Variants in SOCS7 observed in about 807,000 individuals in gnomAD.
SOCS7 encodes NAP-4.
Under a neutral mutation model 58.9 loss-of-function variants are expected in SOCS7, and 18 were observed. That is an observed-to-expected ratio of 0.31 (90% CI 0.21 to 0.45). The LOEUF is 0.45. Ranked by LOEUF, SOCS7 falls within the 20% of genes least tolerant of loss-of-function variation. The pLI, the probability that SOCS7 is intolerant of heterozygous loss-of-function variation, is 1.00. For missense variants in SOCS7, 667 were observed against 837.3 expected (o/e 0.80, Z 2.51); for synonymous variants, 388 against 364.3 (o/e 1.06, Z -0.74).
At chr17:38,385,311 C>T (rs1162401008) in intron 7 of SOCS7, among the ~76,000 whole-genome samples, 2 of 151,832 alleles carry the variant, frequency 1.3e-5, no homozygotes, top group Non-Finnish European at 2.9e-5. Context: ...TTCTCCATGA[C>T]GTTGTTTAAT....
chr17:38,389,910 G>T (rs867031146), intron 7 of SOCS7, among the ~76,000 whole-genome samples: 380 of 6,030 alleles, frequency 0.063, 13 homozygotes, highest in Middle Eastern at 0.38. Context: ...CACATATAGA[G>T]AGAGAGAGAG....
intron 1 of SOCS7, 55 bp downstream of exon 1, chr17:38,353,087 T>G (rs1191705922): frequency 2.8e-6 from 4 of 1,438,660 alleles, no homozygotes; most frequent in Non-Finnish European, 9.2e-7. Flanking sequence ...TGGTTTCCCT[T>G]TTTATCTATT....
At chr17:38,393,566 G>A (rs2038204830) in intron 7 of SOCS7, among the ~76,000 whole-genome samples, 1 of 152,028 alleles carries the variant, frequency 6.6e-6, no homozygotes, top group African/African-American at 2.4e-5. Flanking sequence ...GAACCTAGGA[G>A]TTGGAGCTTG....
intron 2 of SOCS7, among the ~76,000 whole-genome samples, chr17:38,364,167 C>T (rs2037756411): frequency 6.6e-6 from 1 of 152,138 alleles, no homozygotes; most frequent in South Asian, 2.1e-4. Context: ...TACTTTCAGC[C>T]TTTGTAGCCT....
chr17:38,356,273 T>C (rs1049208716), intron 1 of SOCS7, among the ~76,000 whole-genome samples: 4 of 151,858 alleles, frequency 2.6e-5, no homozygotes, highest in Admixed American at 2.0e-4. Flanking sequence ...TCCCAATACT[T>C]GGAAGGCAGA....
intron 1 of SOCS7, among the ~76,000 whole-genome samples, chr17:38,360,102 A>G (rs1270232325): frequency 2.0e-5 from 3 of 151,620 alleles, no homozygotes; most frequent in African/African-American, 4.9e-5. Flanking sequence ...TATACCGCAA[A>G]ATTTACCCTT....
At chr17:38,386,832 TC>T (rs1378096996) in intron 7 of SOCS7, among the ~76,000 whole-genome samples, 1 of 151,716 alleles carries the variant, frequency 6.6e-6, no homozygotes, top group African/African-American at 2.4e-5. Context: ...ATGCCTGTAA[TC>T]CCAGCACTTT....
Position 38,395,883 on chromosome 17 carries a change from A to G in SOCS7, c.1853A>G (p.Tyr618Cys), listed in dbSNP as rs764093296. 9 of 1,612,120 alleles carry G rather than the reference A, an allele frequency of 5.6e-6. No homozygotes were observed. The highest frequency in any genetic ancestry group is 1.3e-5 in the African/African-American group (1 of 74,786). The change falls in exon 9 of 10, where the codon TAT becomes TGT. Residue 618 changes from tyrosine (Y) to cysteine (C), a missense_variant. This residue lies in a region of SOCS7 where 40 missense variants were observed against 45.6 expected (regional missense o/e 0.88). Coordinates refer to ENST00000612932, the MANE Select transcript of SOCS7 (RefSeq NM_014598.4). ...LISYIRKFYY[Y>C]DPQEEVYLSL... ...TCTTATATCCGAAAGTTCTACTACT[A>G]TGATCCTCAGGAAGAGGTATACCTG...
Position 38,352,817 on chromosome 17 carries a change from C to CCCGCCT in SOCS7, c.768_773dup (p.Pro258_Pro259dup), listed in dbSNP as rs749429158. The CCCGCCT allele has an allele frequency of 4.5e-6, 7 of 1,558,932 alleles. No individual in the cohort carries two copies. The highest frequency in any genetic ancestry group is 4.3e-6 in the Non-Finnish European group (5 of 1,151,988). Reference sequence around the variant, plus strand: ...AGCAGCAGCAGCAACCTCCCCCGCCCCCGCCTCCTCCCGGGCCCCTCCGGC... The same window carrying CCCGCCT: ...AGCAGCAGCAGCAACCTCCCCCGCCCCCGCCTCCGCCTCCTCCCGGGCCCCTCCGGC... On this transcript the variant is annotated inframe_insertion, in exon 1 of 10. Transcript: ENST00000612932. This position sits in a 1 kb window ranked among gnomAD's most constrained non-coding sequence, Gnocchi z 5.5.
intron 4 of SOCS7, chr17:38,365,902 A>G: frequency 1.2e-6 from 1 of 828,534 alleles, no homozygotes; most frequent in South Asian, 5.4e-5. Context: ...TGCCTGGCAA[A>G]ATCATTACTC....
intron 7 of SOCS7, among the ~76,000 whole-genome samples, chr17:38,388,660 C>T (rs1370615097): frequency 6.6e-6 from 1 of 152,206 alleles, no homozygotes; most frequent in African/African-American, 2.4e-5. Context: ...TCCGTATTCC[C>T]TCTACTTCCT....
At chr17:38,378,645 A>C (rs1409277498) in intron 7 of SOCS7, among the ~76,000 whole-genome samples, 1 of 152,216 alleles carries the variant, frequency 6.6e-6, no homozygotes, top group Non-Finnish European at 1.5e-5. Flanking sequence ...GTATCTTGCC[A>C]TCCCTACCAT....
At chr17:38,366,021 T>G in intron 4 of SOCS7, 1 of 1,222,126 alleles carries the variant, frequency 8.2e-7, no homozygotes, top group Non-Finnish European at 1.0e-6. Flanking sequence ...CCTGAAGTAG[T>G]CACCTTAGTA....
chr17:38,369,527 T>TG (rs1567740674), intron 6 of SOCS7, among the ~76,000 whole-genome samples: 1 of 152,140 alleles, frequency 6.6e-6, no homozygotes, highest in African/African-American at 2.4e-5. Context: ...AAAAACAAAA[T>TG]GTGAAGCGGA....
At chr17:38,376,409 T>A (rs924892531) in intron 6 of SOCS7, among the ~76,000 whole-genome samples, 2 of 152,158 alleles carry the variant, frequency 1.3e-5, no homozygotes, top group Admixed American at 1.3e-4. Flanking sequence ...ACAGTGGTCC[T>A]GGCCGGAAAT....
rs1479485481 is a variant in SOCS7, at chr17:38,402,902, T to C, written c.*3420T>C. 1 of 152,150 alleles carries C rather than the reference T, an allele frequency of 6.6e-6. No homozygotes were observed. The highest frequency in any genetic ancestry group is 2.4e-5 in the African/African-American group (1 of 41,420). The allele number at this position is 152,150 out of a possible 1,614,324, so 9.4% of individuals were successfully genotyped here. On this transcript the variant is annotated 3_prime_UTR_variant, in exon 10 of 10. Coordinates refer to ENST00000612932, the MANE Select transcript of SOCS7 (RefSeq NM_014598.4). ...TGATCTACTGTAACCTTCCTCAGGT[T>C]GAGAGTGAGCTGCTGTGAGCCAGTG...
rs1225509335 is a variant in SOCS7 at position 38,403,457 on chromosome 17, CGAG to C, written c.*3982_*3984del. 2.6e-5 allele frequency: 4 copies of C among 152,210 alleles called. No individual in the cohort carries two copies. The highest frequency in any genetic ancestry group is 5.9e-5 in the Non-Finnish European group (4 of 68,090). The allele number at this position is 152,210 out of a possible 1,614,324, so 9.4% of individuals were successfully genotyped here. ...CCTCTGCTCCCTGCAGAAACTGGGG[CGAG>C]GAGGAGCTTTTTCCTTCAGTTAGAT... On this transcript the variant is annotated 3_prime_UTR_variant, in exon 10 of 10. Coordinates refer to ENST00000612932, the MANE Select transcript of SOCS7 (RefSeq NM_014598.4).
chr17:38,383,701 C>T (rs1182524165), intron 7 of SOCS7, among the ~76,000 whole-genome samples: 13 of 152,086 alleles, frequency 8.5e-5, no homozygotes, highest in Non-Finnish European at 1.5e-5. Context: ...CCCACCATCA[C>T]GCCCGGCTAA....
At chr17:38,385,488 A>G (rs1202279799) in intron 7 of SOCS7, among the ~76,000 whole-genome samples, 4 of 148,832 alleles carry the variant, frequency 2.7e-5, no homozygotes, top group Non-Finnish European at 5.9e-5. Flanking sequence ...AATCATATGC[A>G]TGGTTTAATA....
Sources: allele counts gnomAD v4.1 joint callset (sites outside exome capture counted in the v4.1 genomes callset), GRCh38; gene constraint gnomAD v4.1.1; regional missense constraint gnomAD v4.1.1; non-coding constraint Gnocchi (gnomAD v3.1); transcripts MANE v1.5; gene names NCBI Gene and HGNC (gene_info 2026-07-23, HGNC 2026-07-21).